The following SAE1 variants were observed in gnomAD, a reference collection of about 807,000 sequenced individuals.
The protein encoded by SAE1 is SUMO1 activating enzyme subunit 1, also known as SUMO-activating enzyme subunit 1.
Under a neutral mutation model 40.6 loss-of-function variants are expected in SAE1, and 11 were observed. That is an observed-to-expected ratio of 0.27 (90% CI 0.17 to 0.45). The LOEUF is 0.45. Among genes scored for constraint, SAE1 ranks in the 20% least tolerant of loss-of-function variants. The pLI is 1.00. For synonymous variants in SAE1, 155 were observed against 154.3 expected (o/e 1.00, Z -0.03); for missense variants, 373 against 427.3 (o/e 0.87, Z 1.12).
chr19:47,199,390 C>CA (rs35275499), intron 7 of SAE1, among the ~76,000 whole-genome samples: 7,077 of 55,348 alleles, frequency 0.13, 470 homozygotes, highest in Non-Finnish European at 0.18. Flanking sequence ...GACTCCTTCT[C>CA]AAAAAAAAAA....
At chr19:47,164,069 T>A (rs2909902) in intron 5 of SAE1, among the ~76,000 whole-genome samples, 24,368 of 152,268 alleles carry the variant, frequency 0.16, 2,556 homozygotes, top group Non-Finnish European at 0.24. Context: ...GCACCTGGCT[T>A]GTATATGTGT....
intron 1 of SAE1, among the ~76,000 whole-genome samples, chr19:47,140,623 CAA>C (rs202068723): frequency 2.5e-5 from 3 of 119,082 alleles, no homozygotes; most frequent in East Asian, 2.6e-4. Context: ...CCTGTGTCTA[CAA>C]AAAAAAAAAA....
At chr19:47,205,832 A>T (rs1260716312) in intron 8 of SAE1, among the ~76,000 whole-genome samples, 1 of 152,194 alleles carries the variant, frequency 6.6e-6, no homozygotes, top group Non-Finnish European at 1.5e-5. Flanking sequence ...GCAGGAAAGA[A>T]GATGCTTGCC....
intron 6 of SAE1, among the ~76,000 whole-genome samples, chr19:47,180,483 C>T (rs1409828526): frequency 1.3e-5 from 2 of 152,184 alleles, no homozygotes; most frequent in East Asian, 1.9e-4. Flanking sequence ...AATCAAAGTG[C>T]TAAAATCAAT....
chr19:47,137,935 G>T (rs1276545036), intron 1 of SAE1, among the ~76,000 whole-genome samples: 5 of 151,954 alleles, frequency 3.3e-5, no homozygotes, highest in Non-Finnish European at 7.4e-5. Context: ...TACCATGTTG[G>T]CCAGGCTGGT....
chr19:47,178,242 C>CAA (rs748570539), intron 6 of SAE1, among the ~76,000 whole-genome samples: 2 of 139,414 alleles, frequency 1.4e-5, no homozygotes, highest in Admixed American at 7.2e-5. Flanking sequence ...ACTCCATCTC[C>CAA]AAAAAAAAAA....
At position 47,209,678 on chromosome 19, in the gene SAE1, A is replaced by G. The variant is rs983964350; in HGVS notation, c.*427A>G. 4 of 182,174 alleles carry G rather than the reference A, an allele frequency of 2.2e-5. No homozygotes were observed. Among genetic ancestry groups the G allele is most frequent in the Non-Finnish European group, 4.5e-5 (4 of 87,992 alleles). 11.3% of individuals were successfully genotyped at this position (182,174 alleles called of 1,614,324 possible). Reference sequence around the variant, plus strand: ...GGACTTATTCCCCACCTGATACCTTATAGAGAAAAGTGTGAATTCAGGTGG... The same window carrying G: ...GGACTTATTCCCCACCTGATACCTTGTAGAGAAAAGTGTGAATTCAGGTGG... On this transcript the variant is annotated 3_prime_UTR_variant, in exon 9 of 9. Transcript: ENST00000270225.
chr19:47,161,658 A>G (rs1368957003), intron 5 of SAE1, among the ~76,000 whole-genome samples: 1 of 152,156 alleles, frequency 6.6e-6, no homozygotes, highest in African/African-American at 2.4e-5. Flanking sequence ...TTCGCTCACC[A>G]TCATAGACCT....
chr19:47,198,635 C>T (rs2058632320), intron 7 of SAE1, among the ~76,000 whole-genome samples: 1 of 152,216 alleles, frequency 6.6e-6, no homozygotes, highest in African/African-American at 2.4e-5. Context: ...CTAGTAGCAG[C>T]ATGCTACCTT....
At chr19:47,205,615 A>G (rs2058682342) in intron 8 of SAE1, among the ~76,000 whole-genome samples, 1 of 152,104 alleles carries the variant, frequency 6.6e-6, no homozygotes, top group Non-Finnish European at 1.5e-5. Context: ...GAGTGCAGCA[A>G]TGGGAATGTT....
At chr19:47,136,873 G>A (rs958161737) in intron 1 of SAE1, among the ~76,000 whole-genome samples, 3 of 152,154 alleles carry the variant, frequency 2.0e-5, no homozygotes, top group Non-Finnish European at 2.9e-5. Context: ...AGGCTCCACA[G>A]AGCAAATTGA....
At chr19:47,201,866 CA>C (rs903161670) in intron 7 of SAE1, among the ~76,000 whole-genome samples, 4 of 152,040 alleles carry the variant, frequency 2.6e-5, no homozygotes, top group African/African-American at 9.7e-5. Context: ...CTCCTGACCT[CA>C]AATGATCCAC....
intron 1 of SAE1, among the ~76,000 whole-genome samples, chr19:47,136,073 T>TA (rs777696136): frequency 5.3e-5 from 8 of 152,082 alleles, no homozygotes; most frequent in Admixed American, 2.0e-4. Context: ...TGTCTGTTGA[T>TA]AGACATATGG....
At chr19:47,145,657 T>G (rs1236162194) in intron 2 of SAE1, among the ~76,000 whole-genome samples, 2 of 152,144 alleles carry the variant, frequency 1.3e-5, no homozygotes, top group African/African-American at 2.4e-5. Context: ...CTCAGCTCAC[T>G]GCAACCTCTG....
At position 47,160,297 on chromosome 19, in the gene SAE1, C is replaced by G. The variant is rs568921160; in HGVS notation, c.627+5084C>G. Among the ~76,000 whole-genome samples, 711 of 145,722 alleles carry G rather than the reference C, an allele frequency of 4.9e-3. 13 individuals are homozygous for G. Among genetic ancestry groups the G allele is most frequent in the Non-Finnish European group, 3.8e-3 (255 of 66,894 alleles). Reference sequence around the variant, plus strand: ...AGTGCAATGGTGCGATCTCGGCTCACTGCAACCTCCGCCTCCCGGGTTTAA... The same window carrying G: ...AGTGCAATGGTGCGATCTCGGCTCAGTGCAACCTCCGCCTCCCGGGTTTAA... On this transcript the variant is annotated intron_variant, in intron 5 of 8. Coordinates refer to ENST00000270225, the MANE Select transcript of SAE1 (RefSeq NM_005500.3).
chr19:47,209,636 C>A lies in SAE1; in HGVS notation c.*385C>A, dbSNP rs2123335968. Reference sequence around the variant, plus strand: ...ATGAGCAAGCTCTGTTGCTCGGGAGCCTCTTGTCACCTTCTTGGACTTATT... The same window carrying A: ...ATGAGCAAGCTCTGTTGCTCGGGAGACTCTTGTCACCTTCTTGGACTTATT... On this transcript the variant is annotated 3_prime_UTR_variant, in exon 9 of 9. Transcript: ENST00000270225. 1 of 263,756 alleles carries A rather than the reference C, an allele frequency of 3.8e-6. No homozygotes were observed. The highest frequency in any genetic ancestry group is 2.2e-5 in the African/African-American group (1 of 45,220). The allele number at this position is 263,756 out of a possible 1,614,324, so 16.3% of individuals were successfully genotyped here. A position where few individuals can be genotyped will look rare whatever the true frequency, so the allele number is the denominator to read the frequency against.
intron 5 of SAE1, among the ~76,000 whole-genome samples, chr19:47,161,579 C>T (rs912351758): frequency 1.3e-5 from 2 of 152,200 alleles, no homozygotes; most frequent in East Asian, 1.9e-4. Flanking sequence ...TGTTTTATCA[C>T]GTGTTTATAA....
Position 47,169,884 on chromosome 19 carries a change from G to T in SAE1, c.694G>T (p.Ala232Ser), listed in dbSNP as rs1181248200. Reference protein sequence around the residue: ...VDWSSEKAKAALKRTTSDYFL... With the variant: ...VDWSSEKAKASLKRTTSDYFL... ...CTGGAGCAGTGAGAAAGCAAAGGCT[G>T]CTCTGAAGCGCACGACCTCCGACTA... The change falls in exon 6 of 9, where the codon GCT becomes TCT. Residue 232 changes from alanine to serine, a missense_variant. This residue lies in a region of SAE1 where 351 missense variants were observed against 390.6 expected (regional missense o/e 0.90). Coordinates refer to ENST00000270225, the MANE Select transcript of SAE1 (RefSeq NM_005500.3). 1 of 1,614,056 alleles carries T rather than the reference G, an allele frequency of 6.2e-7. No homozygotes were observed. The highest frequency in any genetic ancestry group is 8.5e-7 in the Non-Finnish European group (1 of 1,180,004).
chr19:47,196,196 G>A (rs2058613557), intron 6 of SAE1, among the ~76,000 whole-genome samples: 1 of 150,662 alleles, frequency 6.6e-6, no homozygotes, highest in Non-Finnish European at 1.5e-5. Context: ...TAGGTGCCTG[G>A]CTAATTTTTT....
Sources: gnomAD v4.1 joint callset for allele counts (sites outside exome capture counted in the v4.1 genomes callset) on GRCh38, gnomAD v4.1.1 for gene constraint, gnomAD v4.1.1 regional missense constraint, MANE v1.5 for transcripts, NCBI Gene and HGNC (gene_info 2026-07-23, HGNC 2026-07-21) for gene names.